AGBL4: variants seen among roughly 807,000 people sequenced by gnomAD.
The protein encoded by AGBL4 is AGBL carboxypeptidase 4, also known as cytosolic carboxypeptidase 6.
A neutral mutation model predicts 66.4 loss-of-function variants in AGBL4; 58 were observed. The ratio of observed to expected loss-of-function variants is 0.87; its 90% CI spans 0.71 to 1.09. The LOEUF (loss-of-function observed/expected upper bound fraction) is 1.09. AGBL4 is among the 50% of genes least tolerant of loss of function. AGBL4 has a pLI of 0.00. For missense variants in AGBL4, 579 were observed against 631.0 expected (o/e 0.92, Z 0.88); for synonymous variants, 234 against 222.9 (o/e 1.05, Z -0.44).
At chr1:49,389,895 C>T (rs568495557) in intron 3 of AGBL4, among the ~76,000 whole-genome samples, 15 of 152,204 alleles carry the variant, frequency 9.9e-5, no homozygotes, top group African/African-American at 3.1e-4. Flanking sequence ...AAGGTATAAT[C>T]CAATTGAGGA....
intron 6 of AGBL4, among the ~76,000 whole-genome samples, chr1:48,688,570 C>T (rs1473442094): frequency 6.6e-6 from 1 of 152,190 alleles, no homozygotes; most frequent in Non-Finnish European, 1.5e-5. Flanking sequence ...TCTAGGGACC[C>T]AGACTCCCCC....
At chr1:49,265,890 G>A (rs1643909735) in intron 3 of AGBL4, among the ~76,000 whole-genome samples, 1 of 152,034 alleles carries the variant, frequency 6.6e-6, no homozygotes, top group Non-Finnish European at 1.5e-5. Context: ...GATATAGAGA[G>A]ACAGATCATA....
intron 1 of AGBL4, among the ~76,000 whole-genome samples, chr1:49,911,145 G>T (rs993383186): frequency 2.6e-5 from 4 of 152,130 alleles, no homozygotes. Flanking sequence ...AGACTATTCT[G>T]GGCAGTTATA....
chr1:49,438,478 A>G (rs1047199431), intron 3 of AGBL4, among the ~76,000 whole-genome samples: 2 of 152,196 alleles, frequency 1.3e-5, no homozygotes, highest in Admixed American at 6.5e-5. Flanking sequence ...AAAGCTGGTT[A>G]CAAGGTGCTA....
intron 1 of AGBL4, among the ~76,000 whole-genome samples, chr1:49,973,412 C>T (rs570283772): frequency 6.6e-6 from 1 of 152,054 alleles, no homozygotes; most frequent in East Asian, 1.9e-4. Flanking sequence ...AATAGCTACA[C>T]ATGGCTAGCA....
intron 6 of AGBL4, among the ~76,000 whole-genome samples, chr1:48,749,983 A>G (rs913550460): frequency 6.6e-5 from 10 of 152,138 alleles, no homozygotes; most frequent in Non-Finnish European, 1.3e-4. Flanking sequence ...TTCCTGAGGG[A>G]CCACTGTGGG....
chr1:48,877,254 T>C (rs1649319481), intron 5 of AGBL4, among the ~76,000 whole-genome samples: 1 of 152,144 alleles, frequency 6.6e-6, no homozygotes. Context: ...AGGGGAAATA[T>C]TTAGTTCGTA....
chr1:49,096,007 C>A (rs1223908865), intron 4 of AGBL4, among the ~76,000 whole-genome samples: 7 of 151,972 alleles, frequency 4.6e-5, no homozygotes, highest in African/African-American at 1.7e-4. Context: ...AAACAAACAA[C>A]CCCATCAAAA....
At chr1:48,569,058 C>G (rs1644520072) in intron 11 of AGBL4, among the ~76,000 whole-genome samples, 1 of 152,174 alleles carries the variant, frequency 6.6e-6, no homozygotes. Context: ...AATGTGCTCA[C>G]CAGCCTCTTT....
chr1:48,903,690 A>G (rs1437665976), intron 5 of AGBL4, among the ~76,000 whole-genome samples: 2 of 152,088 alleles, frequency 1.3e-5, no homozygotes, highest in Non-Finnish European at 2.9e-5. Flanking sequence ...GTTTGACTCT[A>G]TGGAGTCAAA....
At chr1:48,523,356 G>T in the AGBL4 span, among the ~76,000 whole-genome samples, 2 of 152,136 alleles carry the variant, frequency 1.3e-5, no homozygotes, top group Admixed American at 1.3e-4. Flanking sequence ...GGAACTCAGA[G>T]AATGTGAGTT....
chr1:48,637,819 A>G (rs1352608534), intron 8 of AGBL4, among the ~76,000 whole-genome samples: 4 of 152,180 alleles, frequency 2.6e-5, no homozygotes. Context: ...CCCTAATCAG[A>G]TGGCCCTATG....
rs1457906614 is a variant in AGBL4, at chr1:49,395,760, T to TACACAC, written c.283-149897_283-149896insGTGTGT. 2.9e-5 allele frequency among the ~76,000 whole-genome samples: 4 copies of TACACAC among 139,470 alleles called. No individual in the cohort carries two copies. The South Asian group carries it at 6.5e-4, about 23-fold the overall frequency. 91.5% of individuals were successfully genotyped at this position (139,470 alleles called of 152,430 possible). ...ATATATATATATGTATATATATATATATACACATATATATACATGTGTATA... is the reference window on the plus strand; with the variant it reads ...ATATATATATATGTATATATATATATACACACATACACATATATATACATGTGTATA... On this transcript the variant is annotated intron_variant, in intron 3 of 13. Coordinates refer to ENST00000371839, the MANE Select transcript of AGBL4 (RefSeq NM_032785.4).
At chr1:49,056,118 A>T (rs2147899086) in intron 4 of AGBL4, among the ~76,000 whole-genome samples, 1 of 152,242 alleles carries the variant, frequency 6.6e-6, no homozygotes, top group Middle Eastern at 3.4e-3. Context: ...TAAATCAGGA[A>T]CCTGAGTTAA....
Position 49,939,968 on chromosome 1 carries a change from T to C in AGBL4, c.34+83795A>G, listed in dbSNP as rs369811326. Among the ~76,000 whole-genome samples, 207 of 152,276 alleles carry C rather than the reference T, an allele frequency of 1.4e-3. 4 individuals are homozygous for C. The East Asian group carries it at 0.036, about 27-fold the overall frequency. ...ACCTACTCATCTGACAAAGGGCTAA[T>C]ATCCAGAATCTACAATGAACTCAAA... On this transcript the variant is annotated intron_variant, in intron 1 of 13. Coordinates refer to ENST00000371839, the MANE Select transcript of AGBL4 (RefSeq NM_032785.4).
intron 3 of AGBL4, among the ~76,000 whole-genome samples, chr1:49,662,522 G>A (rs1016697177): frequency 1.3e-5 from 2 of 152,038 alleles, no homozygotes; most frequent in East Asian, 3.9e-4. Context: ...AAATGAAATG[G>A]TAAGTGATGG....
intron 3 of AGBL4, among the ~76,000 whole-genome samples, chr1:49,264,514 G>A (rs1211884852): frequency 1.3e-5 from 2 of 151,356 alleles, no homozygotes; most frequent in Non-Finnish European, 2.9e-5. Flanking sequence ...CTGTTCCACT[G>A]ATCTGTATGT....
chr1:49,744,306 C>T (rs1467574448), intron 2 of AGBL4, among the ~76,000 whole-genome samples: 4 of 152,118 alleles, frequency 2.6e-5, no homozygotes, highest in Non-Finnish European at 4.4e-5. Context: ...CTCTCTCTCT[C>T]TCTTGCTCCT....
At chr1:49,394,998 C>T (rs1412137271) in intron 3 of AGBL4, among the ~76,000 whole-genome samples, 1 of 152,044 alleles carries the variant, frequency 6.6e-6, no homozygotes, top group Non-Finnish European at 1.5e-5. Flanking sequence ...TCAAACAATG[C>T]CCCTGTTCTA....
Sources: allele counts gnomAD v4.1 joint callset (sites outside exome capture counted in the v4.1 genomes callset), GRCh38; gene constraint gnomAD v4.1.1; transcripts MANE v1.5; gene names NCBI Gene and HGNC (gene_info 2026-07-23, HGNC 2026-07-21).